Variants in MAN1A1 observed in about 807,000 individuals in gnomAD.
MAN1A1 encodes mannosidase alpha class 1A member 1.
In MAN1A1, 29 loss-of-function variants were observed where a neutral mutation model predicts 70.8. The observed-to-expected ratio is 0.41, with a 90% confidence interval of 0.31 to 0.56. The LOEUF is 0.56. Ranked by LOEUF, MAN1A1 falls within the 20% of genes least tolerant of loss-of-function variation. MAN1A1 has a pLI of 0.29. For missense variants in MAN1A1, 747 were observed against 841.3 expected (o/e 0.89, Z 1.39); for synonymous variants, 349 against 330.1 (o/e 1.06, Z -0.62).
chr6:119,190,006 T>C, intron 9 of MAN1A1, 123 bp from the exon 10 acceptor site: 1 of 767,516 alleles, frequency 1.3e-6, no homozygotes, highest in East Asian at 2.7e-5. Flanking sequence ...GTGTTAAAAA[T>C]CCATTCAACC....
chr6:119,309,652 A>C (rs1035790049), intron 2 of MAN1A1, among the ~76,000 whole-genome samples: 1 of 152,194 alleles, frequency 6.6e-6, no homozygotes, highest in African/African-American at 2.4e-5. Flanking sequence ...CCCTCACAAA[A>C]AAAGATAAAC....
chr6:119,307,647 C>T (rs1772569280), intron 2 of MAN1A1, among the ~76,000 whole-genome samples: 2 of 152,144 alleles, frequency 1.3e-5, no homozygotes. Context: ...TCAGAGTCTA[C>T]ACACCAATAA....
chr6:119,228,031 C>T (rs1163390390), intron 6 of MAN1A1, among the ~76,000 whole-genome samples: 3 of 152,048 alleles, frequency 2.0e-5, no homozygotes, highest in African/African-American at 7.2e-5. Flanking sequence ...AAAGTATTTA[C>T]TGGAGAGAAA....
intron 5 of MAN1A1, among the ~76,000 whole-genome samples, chr6:119,266,324 G>A (rs1350484588): frequency 3.3e-5 from 5 of 152,124 alleles, no homozygotes; most frequent in Admixed American, 6.5e-5. Context: ...CCAACTTCAA[G>A]ACTTTCTATA....
intron 8 of MAN1A1, among the ~76,000 whole-genome samples, chr6:119,199,636 G>A (rs944469928): frequency 6.6e-6 from 1 of 151,102 alleles, no homozygotes; most frequent in African/African-American, 2.5e-5. Flanking sequence ...GGCTGGTGTG[G>A]TGGCTCATGC....
At chr6:119,254,436 C>G (rs1174607838) in intron 5 of MAN1A1, among the ~76,000 whole-genome samples, 2 of 152,050 alleles carry the variant, frequency 1.3e-5, no homozygotes, top group Non-Finnish European at 2.9e-5. Flanking sequence ...TCAGAAGCTA[C>G]AAAACTAGTA....
intron 2 of MAN1A1, chr6:119,332,010 T>C (rs1773330190): frequency 8.1e-6 from 4 of 496,440 alleles, no homozygotes; most frequent in South Asian, 1.5e-5. Flanking sequence ...ATTTCCTATG[T>C]ATAAAATGAG....
chr6:119,242,134 G>GACACACACACACACACACAC (rs139698571), intron 6 of MAN1A1, among the ~76,000 whole-genome samples: 4,504 of 150,586 alleles, frequency 0.03, 199 homozygotes, highest in African/African-American at 0.089. Context: ...CAGACAGACA[G>GACACACACACACACACACAC]ACACACACAC....
chr6:119,301,999 C>T lies in MAN1A1; in HGVS notation c.805G>A (p.Asp269Asn). Residue 269 changes from aspartate (D) to asparagine (N), a missense_variant, in exon 4 of 13, where the codon GAT becomes AAT. Transcript: ENST00000368468. ...EAKSWVEENLDFNVNAEISVF... is the reference protein window; with the variant it reads ...EAKSWVEENLNFNVNAEISVF... The stretch of plus-strand genomic sequence containing the variant: ...CTTATTTAACTTACCACATTAAAAT[C>T]TAAATTTTCTTCAACCCATGATTTT... The T allele has an allele frequency of 6.4e-7, 1 of 1,552,482 alleles. No individual in the cohort carries two copies. The highest frequency in any genetic ancestry group is 8.9e-7 in the Non-Finnish European group (1 of 1,126,500).
intron 5 of MAN1A1, among the ~76,000 whole-genome samples, chr6:119,279,470 T>C (rs1776168450): frequency 6.6e-6 from 1 of 152,246 alleles, no homozygotes; most frequent in African/African-American, 2.4e-5. Flanking sequence ...CATACGTTTA[T>C]AAGGATTGAG....
chr6:119,293,414 G>C (rs769719878), intron 4 of MAN1A1, among the ~76,000 whole-genome samples: 26 of 152,050 alleles, frequency 1.7e-4, no homozygotes, highest in Non-Finnish European at 3.5e-4. Context: ...TGGATTTCAT[G>C]GATCTAATAG....
At chr6:119,189,955 TA>T (rs142938329) in intron 9 of MAN1A1, 72 bp from the exon 10 acceptor site, 76,221 of 923,632 alleles carry the variant, frequency 0.083, 3,087 homozygotes, top group African/African-American at 0.26. Flanking sequence ...TGCCCAACAT[TA>T]AAAAAAAAAG....
chr6:119,180,066 T>C, intron 12 of MAN1A1, 121 bp from the exon 13 acceptor site: 1 of 1,042,074 alleles, frequency 9.6e-7, no homozygotes, highest in Non-Finnish European at 1.4e-6. Flanking sequence ...TGGACAAGAG[T>C]CAAATATATC....
chr6:119,281,568 C>A (rs1484669606), intron 5 of MAN1A1, among the ~76,000 whole-genome samples: 3 of 152,096 alleles, frequency 2.0e-5, no homozygotes, highest in Non-Finnish European at 2.9e-5. Flanking sequence ...GGCAGCTGCC[C>A]CAGCAGGTTG....
intron 2 of MAN1A1, among the ~76,000 whole-genome samples, chr6:119,329,258 A>G (rs1422481999): frequency 6.6e-6 from 1 of 152,206 alleles, no homozygotes; most frequent in East Asian, 1.9e-4. Flanking sequence ...GGCTATGTAA[A>G]CTTGAGTACT....
chr6:119,180,174 T>C, intron 12 of MAN1A1, 138 bp downstream of exon 12: 1 of 727,178 alleles, frequency 1.4e-6, no homozygotes, highest in Non-Finnish European at 2.3e-6. Flanking sequence ...TTATTGAGAA[T>C]ATACCTGCAA....
intron 6 of MAN1A1, among the ~76,000 whole-genome samples, chr6:119,246,686 A>T (rs1311032950): frequency 6.6e-6 from 1 of 152,170 alleles, no homozygotes; most frequent in African/African-American, 2.4e-5. Flanking sequence ...GTTTTAGGTA[A>T]GAGAGTAGTA....
intron 5 of MAN1A1, among the ~76,000 whole-genome samples, chr6:119,258,676 A>C (rs529458743): frequency 7.2e-5 from 11 of 152,176 alleles, no homozygotes; most frequent in Non-Finnish European, 1.6e-4. Flanking sequence ...TACACTAGTG[A>C]ATTTTTTTCC....
At chr6:119,294,997 C>T (rs979364345) in intron 4 of MAN1A1, among the ~76,000 whole-genome samples, 5 of 151,898 alleles carry the variant, frequency 3.3e-5, no homozygotes, top group Non-Finnish European at 5.9e-5. Flanking sequence ...TGTAAATTTA[C>T]GAGATAAAGT....
Sources: gnomAD v4.1 joint callset for allele counts (sites outside exome capture counted in the v4.1 genomes callset) on GRCh38, gnomAD v4.1.1 for gene constraint, MANE v1.5 for transcripts, NCBI Gene and HGNC (gene_info 2026-07-23, HGNC 2026-07-21) for gene names.